Variants in COL4A2 observed in about 807,000 individuals in gnomAD.
The protein encoded by COL4A2 is collagen alpha-2(IV) chain.
Under a neutral mutation model 200.2 loss-of-function variants are expected in COL4A2, and 99 were observed. The observed-to-expected ratio is 0.49, with a 90% CI of 0.42 to 0.58. The LOEUF (loss-of-function observed/expected upper bound fraction) is 0.58. COL4A2 is among the 20% of genes least tolerant of loss of function. The pLI is 0.00. For synonymous variants in COL4A2, 897 were observed against 900.6 expected (o/e 1.00, Z 0.07); for missense variants, 1,950 against 2,314.1 (o/e 0.84, Z 3.23).
intron 3 of COL4A2, among the ~76,000 whole-genome samples, chr13:110,317,092 C>T (rs753752052): frequency 6.6e-6 from 1 of 151,514 alleles, no homozygotes; most frequent in Admixed American, 6.6e-5. Flanking sequence ...ACCCAGCACA[C>T]ACATACAGAC....
intron 3 of COL4A2, among the ~76,000 whole-genome samples, chr13:110,335,081 T>C (rs1876115445): frequency 6.6e-6 from 1 of 152,116 alleles, no homozygotes; most frequent in South Asian, 2.1e-4. Context: ...CCCCAGCCTG[T>C]GTCACACTTC....
At position 110,467,716 on chromosome 13, in the gene COL4A2, C is replaced by T. The variant is rs1173844275; in HGVS notation, c.2095+620C>T. On this transcript the variant is annotated intron_variant, in intron 27 of 47. Transcript: ENST00000360467. ...CCGCCTGCGCTGCGATTCTGCTGCC[C>T]TGCACTCCAGGGTCTCCGTGGGCCT... Among the ~76,000 whole-genome samples, 6 of 152,366 alleles carry T rather than the reference C, an allele frequency of 3.9e-5. No homozygotes were observed. The East Asian group carries it at 1.2e-3, about 29-fold the overall frequency.
At chr13:110,359,251 A>G (rs1461969204) in intron 4 of COL4A2, among the ~76,000 whole-genome samples, 3 of 152,212 alleles carry the variant, frequency 2.0e-5, no homozygotes, top group African/African-American at 4.8e-5. Flanking sequence ...AATATGTTCA[A>G]TCAAAGTGAT....
Position 110,331,697 on chromosome 13 carries a change from A to G in COL4A2, c.99+23574A>G, listed in dbSNP as rs140779244. Among the ~76,000 whole-genome samples the G allele has an allele frequency of 1.7e-3, 258 of 152,268 alleles. 1 individual carries two copies. The highest frequency in any genetic ancestry group is 5.7e-3 in the African/African-American group (238 of 41,552). ...TCCAAACACCGACTCAAAACCACCA[A>G]CAAAAGAATGTGCTATCTAGTATTT... On this transcript the variant is annotated intron_variant, in intron 3 of 47. Transcript: ENST00000360467.
At chr13:110,503,717 C>A in intron 43 of COL4A2, 130 bp from the exon 44 acceptor site, 1 of 1,137,838 alleles carries the variant, frequency 8.8e-7, no homozygotes, top group Non-Finnish European at 1.3e-6. Flanking sequence ...GTGTCTGGCT[C>A]ATCTCTAGAA....
chr13:110,362,205 T>G (rs1594169959), intron 4 of COL4A2, among the ~76,000 whole-genome samples: 1 of 152,314 alleles, frequency 6.6e-6, no homozygotes, highest in East Asian at 1.9e-4. Context: ...AAAAATAACT[T>G]TAACAAATGA....
intron 4 of COL4A2, among the ~76,000 whole-genome samples, chr13:110,379,347 G>A (rs1043173070): frequency 4.6e-5 from 7 of 152,224 alleles, no homozygotes; most frequent in Non-Finnish European, 8.8e-5. Context: ...GCGAGTACGC[G>A]TGCAGGTGCA....
At chr13:110,314,737 G>T (rs1046092377) in intron 3 of COL4A2, among the ~76,000 whole-genome samples, 7 of 152,164 alleles carry the variant, frequency 4.6e-5, no homozygotes, top group South Asian at 2.1e-4. Context: ...GCCCATACGC[G>T]CTCACCCCTA....
At chr13:110,375,272 A>G (rs1878187659) in intron 4 of COL4A2, among the ~76,000 whole-genome samples, 1 of 152,170 alleles carries the variant, frequency 6.6e-6, no homozygotes, top group Non-Finnish European at 1.5e-5. Flanking sequence ...ATGGAATCAT[A>G]GTTACTGCCT....
At chr13:110,511,433 C>T (rs948835182) in intron 47 of COL4A2, among the ~76,000 whole-genome samples, 1 of 151,904 alleles carries the variant, frequency 6.6e-6, no homozygotes, top group Non-Finnish European at 1.5e-5. Flanking sequence ...TCAGCATTTT[C>T]AGAGAAGGAG....
chr13:110,418,692 C>G (rs1229286319), intron 4 of COL4A2, among the ~76,000 whole-genome samples: 1 of 152,074 alleles, frequency 6.6e-6, no homozygotes, highest in Non-Finnish European at 1.5e-5. Flanking sequence ...AGAATAGTAC[C>G]CAGGGGTGGG....
intron 16 of COL4A2, among the ~76,000 whole-genome samples, chr13:110,441,853 A>T (rs1287256111): frequency 6.6e-6 from 1 of 151,542 alleles, no homozygotes; most frequent in Non-Finnish European, 1.5e-5. Flanking sequence ...GGCCAAGGTG[A>T]GTGGATCATA....
chr13:110,470,526 G>A (rs1191040373), intron 28 of COL4A2, among the ~76,000 whole-genome samples: 1 of 152,148 alleles, frequency 6.6e-6, no homozygotes, highest in Non-Finnish European at 1.5e-5. Flanking sequence ...TGAACAGGCA[G>A]AACTGACCCC....
chr13:110,509,596 C>T (rs571995195), intron 47 of COL4A2, among the ~76,000 whole-genome samples: 1 of 151,878 alleles, frequency 6.6e-6, no homozygotes, highest in Non-Finnish European at 1.5e-5. Flanking sequence ...TTTTCACTCC[C>T]GTTGTTAAAT....
intron 4 of COL4A2, among the ~76,000 whole-genome samples, chr13:110,386,096 G>A (rs1878737806): frequency 1.3e-5 from 2 of 152,190 alleles, no homozygotes; most frequent in South Asian, 4.1e-4. Flanking sequence ...GATAAACCAT[G>A]GTTACAGCAT....
At chr13:110,432,467 T>C in intron 11 of COL4A2, 107 bp downstream of exon 11, 5 of 1,333,770 alleles carry the variant, frequency 3.7e-6, no homozygotes, top group Non-Finnish European at 4.9e-6. Context: ...ATTTATTGTT[T>C]ATATTATGAT....
At chr13:110,344,802 C>T (rs1876625322) in intron 3 of COL4A2, among the ~76,000 whole-genome samples, 1 of 152,206 alleles carries the variant, frequency 6.6e-6, no homozygotes, top group Non-Finnish European at 1.5e-5. Context: ...TTCTATGAAA[C>T]TATGCCATCA....
At chr13:110,505,158 G>T (rs1055694927) in intron 45 of COL4A2, among the ~76,000 whole-genome samples, 1 of 151,532 alleles carries the variant, frequency 6.6e-6, no homozygotes, top group Admixed American at 6.6e-5. Context: ...AGACCATCCT[G>T]GCTAACACGG....
chr13:110,335,132 A>G (rs546264427), intron 3 of COL4A2, among the ~76,000 whole-genome samples: 2 of 152,250 alleles, frequency 1.3e-5, no homozygotes, highest in East Asian at 3.9e-4. Flanking sequence ...GCTCAGGTGC[A>G]GACATTCATG....
Sources: allele counts gnomAD v4.1 joint callset (sites outside exome capture counted in the v4.1 genomes callset), GRCh38; gene constraint gnomAD v4.1.1; transcripts MANE v1.5; gene names NCBI Gene and HGNC (gene_info 2026-07-23, HGNC 2026-07-21).